HECW2: variants seen among roughly 807,000 people sequenced by gnomAD.
The protein encoded by HECW2 is HECT, C2 and WW domain containing E3 ubiquitin protein ligase 2.
A neutral mutation model predicts 175.2 loss-of-function variants in HECW2; 61 were observed. That is an observed-to-expected ratio of 0.35 (90% CI 0.28 to 0.43). The LOEUF (loss-of-function observed/expected upper bound fraction) is 0.43, where lower values mean the gene tolerates loss of function less well. HECW2 is among the 20% of genes least tolerant of loss of function. The probability of loss-of-function intolerance (pLI) is 1.00; values close to 1 mark genes in which losing one functional copy is unlikely to be tolerated. For synonymous variants in HECW2, 671 were observed against 731.0 expected, an observed-to-expected ratio of 0.92 and a Z score of 1.32; for missense variants, 1,524 against 2,000.5, an observed-to-expected ratio of 0.76 and a Z score of 4.54.
At chr2:196,213,211 C>A (rs35648924) in intron 28 of HECW2, among the ~76,000 whole-genome samples, 1 of 151,944 alleles carries the variant, frequency 6.6e-6, no homozygotes, top group South Asian at 2.1e-4. Flanking sequence ...TTTTTCCCTC[C>A]GAATGTACTT....
intron 1 of HECW2, among the ~76,000 whole-genome samples, chr2:196,526,370 T>C (rs980599362): frequency 1.2e-4 from 17 of 144,410 alleles, no homozygotes; most frequent in Admixed American, 9.7e-4. Context: ...ATTCTAATTA[T>C]ACATTCTTCT....
In HECW2 at chr2:196,325,139, T is replaced by G. The variant is rs1409049178; in HGVS notation, c.582A>C (p.Ala194=). The change falls in exon 6 of 29, where the codon GCA becomes GCC. Residue 194 remains alanine (A), a synonymous_variant. Transcript: ENST00000644978. ...AGAACATCCCTTTCTTTAGCCCAAC[T>G]GCCCTAAGATCTTTAAAGAAAGAGG... ...LVSFTLSDLR[A]VGLKKGMFFN... is the part of the protein sequence containing the mutation. The G allele has an allele frequency of 6.3e-7, 1 of 1,587,526 alleles. No homozygotes were observed. Among genetic ancestry groups the G allele is most frequent in the Non-Finnish European group, 8.6e-7 (1 of 1,169,048 alleles).
At chr2:196,451,263 G>A (rs956023795) in intron 1 of HECW2, among the ~76,000 whole-genome samples, 16 of 151,742 alleles carry the variant, frequency 1.1e-4, no homozygotes, top group South Asian at 1.0e-3. Flanking sequence ...GTGAAACCCC[G>A]TCTCTACTAA....
chr2:196,561,456 C>G (rs1384266516), intron 1 of HECW2, among the ~76,000 whole-genome samples: 1 of 152,162 alleles, frequency 6.6e-6, no homozygotes, highest in Admixed American at 6.5e-5. Flanking sequence ...GCCTTGTGAT[C>G]TTTTGTTGCC....
Position 196,318,828 on chromosome 2 carries a change from G to C in HECW2, c.2062C>G (p.Pro688Ala). 1 of 1,539,548 alleles carries C rather than the reference G, an allele frequency of 6.5e-7. No individual in the cohort carries two copies. The highest frequency in any genetic ancestry group is 2.3e-5 in the East Asian group (1 of 44,148). The change falls in exon 9 of 29, where the codon CCC (proline) becomes GCC (alanine). Residue 688 changes from proline (P) to alanine (A), a missense_variant. Transcript: ENST00000644978. Reference sequence around the variant, plus strand: ...CCTTCGGCAGGGCCACTGCTGGTGGGCTCTGCTGCACAGGCTCCGTCTTCC... The same window carrying C: ...CCTTCGGCAGGGCCACTGCTGGTGGCCTCTGCTGCACAGGCTCCGTCTTCC... ...EEEDGACAAE[P>A]TSSGPAEGSQ... is the part of the protein sequence containing the mutation.
chr2:196,315,660 C>A (rs182024242), intron 10 of HECW2: 1 of 152,254 alleles, frequency 6.6e-6, no homozygotes, highest in East Asian at 1.9e-4. Context: ...AAAAAAATTT[C>A]CCAAGATGTA....
rs768595862 is a variant in HECW2, at chr2:196,217,005, C to T, written c.4494+3G>A. ...TTTAAAAGATTAAATAATGGCATCT[C>T]ACCTGTAACAACCTTAGTCGTTGTT... On this transcript the variant is annotated splice_donor_region_variant and intron_variant, in intron 27 of 28. Coordinates refer to ENST00000644978, the MANE Select transcript of HECW2 (RefSeq NM_001348768.2). The T allele has an allele frequency of 1.3e-6, 2 of 1,502,352 alleles. No individual in the cohort carries two copies. Among genetic ancestry groups the T allele is most frequent in the Non-Finnish European group, 1.8e-6 (2 of 1,129,510 alleles). The allele number at this position is 1,502,352 out of a possible 1,614,324, so 93.1% of individuals were successfully genotyped here. A position where few individuals can be genotyped will look rare whatever the true frequency, so the allele number is the denominator to read the frequency against.
intron 9 of HECW2, 72 bp downstream of exon 9, chr2:196,318,480 G>A (rs899477923): frequency 1.5e-6 from 2 of 1,375,722 alleles, no homozygotes; most frequent in Non-Finnish European, 1.9e-6. Context: ...TTTACATTGA[G>A]GGGAAAACTA....
chr2:196,221,087 A>G (rs1687649474), intron 24 of HECW2, 146 bp from the exon 25 acceptor site: 1 of 756,678 alleles, frequency 1.3e-6, no homozygotes, highest in African/African-American at 1.8e-5. Context: ...GGCCCCAGGC[A>G]CTCACGGAGC....
intron 1 of HECW2, among the ~76,000 whole-genome samples, chr2:196,486,076 C>T (rs1686993095): frequency 6.6e-6 from 1 of 152,056 alleles, no homozygotes; most frequent in African/African-American, 2.4e-5. Context: ...AGAAACATGG[C>T]AATTTTTGTG....
chr2:196,433,601 C>T (rs1695783283), intron 1 of HECW2, 143 bp from the exon 2 acceptor site: 8 of 663,438 alleles, frequency 1.2e-5, no homozygotes, highest in Non-Finnish European at 1.8e-5. Context: ...ACCTATTATT[C>T]TACTGTTAAA....
intron 2 of HECW2, among the ~76,000 whole-genome samples, chr2:196,379,791 T>C (rs950966518): frequency 2.0e-5 from 3 of 151,832 alleles, no homozygotes; most frequent in African/African-American, 4.8e-5. Flanking sequence ...GCCTATGGTG[T>C]TTGAAGTCAG....
chr2:196,458,872 A>G (rs1211252292), intron 1 of HECW2, among the ~76,000 whole-genome samples: 2 of 152,036 alleles, frequency 1.3e-5, no homozygotes, highest in Non-Finnish European at 2.9e-5. Flanking sequence ...CTCAACAACA[A>G]CAACAACAAA....
chr2:196,441,813 T>G (rs1407904045), intron 1 of HECW2, among the ~76,000 whole-genome samples: 3 of 152,158 alleles, frequency 2.0e-5, no homozygotes. Context: ...CACAACCTGC[T>G]AGGAAATGAG....
At chr2:196,491,586 G>A (rs1161552492) in intron 1 of HECW2, among the ~76,000 whole-genome samples, 1 of 150,832 alleles carries the variant, frequency 6.6e-6, no homozygotes, top group African/African-American at 2.4e-5. Flanking sequence ...ACATAGATAT[G>A]TGTGTATATA....
chr2:196,439,423 CCT>C (rs113107415), intron 1 of HECW2, among the ~76,000 whole-genome samples: 9 of 152,298 alleles, frequency 5.9e-5, no homozygotes, highest in East Asian at 1.9e-4. Flanking sequence ...CCATCCTTCC[CCT>C]GTCTCCACCT....
intron 1 of HECW2, among the ~76,000 whole-genome samples, chr2:196,493,035 A>G (rs17184680): frequency 0.14 from 20,871 of 152,170 alleles, 1,513 homozygotes; most frequent in Middle Eastern, 0.22. Context: ...TACATTCAGG[A>G]TATTTCAGAA....
In HECW2 at chr2:196,240,532, T is replaced by C. The variant is rs746650525; in HGVS notation, c.3681A>G (p.Glu1227=). Reference sequence around the variant, plus strand: ...AGCCCATAATCTGATTAAAAGCATCTTCTAGTAAGTGATCTCTTCGGATAA... The same window carrying C: ...AGCCCATAATCTGATTAAAAGCATCCTCTAGTAAGTGATCTCTTCGGATAA... ...KLIIRRDHLL[E]DAFNQIMGYS... is the part of the protein sequence containing the mutation. The change falls in exon 21 of 29, where the codon GAA becomes GAG. Residue 1227 remains glutamate (E), a synonymous_variant. Transcript: ENST00000644978. 1 of 1,610,594 alleles carries C rather than the reference T, an allele frequency of 6.2e-7. No individual in the cohort carries two copies. Among genetic ancestry groups the C allele is most frequent in the East Asian group, 2.2e-5 (1 of 44,684 alleles).
In HECW2 at chr2:196,580,697, C is replaced by G. The variant is rs147813482; in HGVS notation, c.-36+12811G>C. Among the ~76,000 whole-genome samples the G allele has an allele frequency of 3.2e-3, 483 of 150,190 alleles. 1 individual carries two copies. The highest frequency in any genetic ancestry group is 5.1e-3 in the Non-Finnish European group (348 of 67,708). On this transcript the variant is annotated intron_variant, in intron 1 of 28. Coordinates refer to ENST00000644978, the MANE Select transcript of HECW2 (RefSeq NM_001348768.2). ...TGGGAAAGAGGTGGAGAAACTGGAG[C>G]TCTCATACATCGATTAGAATATAAA...
Sources: gnomAD v4.1 joint callset for allele counts (sites outside exome capture counted in the v4.1 genomes callset) on GRCh38, gnomAD v4.1.1 for gene constraint, MANE v1.5 for transcripts, NCBI Gene and HGNC (gene_info 2026-07-23, HGNC 2026-07-21) for gene names.